OTOGL: variants seen among roughly 807,000 people sequenced by gnomAD.
The protein encoded by OTOGL is otogelin-like protein.
In OTOGL, 285 loss-of-function variants were observed where a neutral mutation model predicts 318.5. That is an observed-to-expected ratio of 0.89 (90% CI 0.81 to 0.99). The LOEUF (loss-of-function observed/expected upper bound fraction) is 0.99, where lower values mean the gene tolerates loss of function less well. OTOGL is among the 50% of genes least tolerant of loss of function. The pLI, the probability that OTOGL is intolerant of heterozygous loss-of-function variation, is 0.00. For missense variants in OTOGL, 2,899 were observed against 2,845.6 expected (o/e 1.02, Z -0.43); for synonymous variants, 987 against 936.5 (o/e 1.05, Z -0.99).
chr12:80,229,886 G>T (rs1323164057), intron 8 of OTOGL, among the ~76,000 whole-genome samples: 1 of 152,090 alleles, frequency 6.6e-6, no homozygotes, highest in Non-Finnish European at 1.5e-5. Flanking sequence ...GCCAACAACT[G>T]CCTGGCCTCG....
intron 38 of OTOGL, among the ~76,000 whole-genome samples, chr12:80,334,758 A>C (rs895581308): frequency 2.6e-5 from 4 of 152,242 alleles, no homozygotes; most frequent in Non-Finnish European, 5.9e-5. Context: ...TGGATTTAGC[A>C]ATGTGAGTTG....
At chr12:80,328,815 G>T in intron 36 of OTOGL, 71 bp downstream of exon 36, 4 of 1,381,368 alleles carry the variant, frequency 2.9e-6, no homozygotes, top group East Asian at 2.4e-5. Flanking sequence ...GAGGCAAGTG[G>T]TTGTAAACAG....
intron 1 of OTOGL, chr12:80,131,668 C>A (rs1326594363): frequency 2.0e-5 from 3 of 152,102 alleles, no homozygotes; most frequent in Non-Finnish European, 4.4e-5. Context: ...ATAATAACAA[C>A]AAATGGCATT....
chr12:80,143,447 A>G (rs1872086352), intron 1 of OTOGL, among the ~76,000 whole-genome samples: 1 of 152,092 alleles, frequency 6.6e-6, no homozygotes, highest in Non-Finnish European at 1.5e-5. Context: ...CCCTGGTGAT[A>G]GACACACCTT....
At chr12:80,160,209 C>T (rs553096045) in intron 1 of OTOGL, among the ~76,000 whole-genome samples, 1 of 151,886 alleles carries the variant, frequency 6.6e-6, no homozygotes, top group Non-Finnish European at 1.5e-5. Flanking sequence ...TGACCAAGAA[C>T]CCAAAGCAAA....
chr12:80,279,228 A>T (rs2137623929), intron 26 of OTOGL, 62 bp downstream of exon 26: 1 of 1,434,260 alleles, frequency 7.0e-7, no homozygotes, highest in Non-Finnish European at 9.4e-7. Context: ...AAAAACAAGT[A>T]TGCTGGTCCC....
At chr12:80,149,636 C>G (rs1230999219) in intron 1 of OTOGL, among the ~76,000 whole-genome samples, 1 of 152,178 alleles carries the variant, frequency 6.6e-6, no homozygotes, top group African/African-American at 2.4e-5. Flanking sequence ...CCTAAGCAAG[C>G]CTGGGCAATG....
intron 27 of OTOGL, among the ~76,000 whole-genome samples, chr12:80,297,665 A>G (rs907769022): frequency 2.0e-5 from 3 of 152,000 alleles, no homozygotes; most frequent in Non-Finnish European, 4.4e-5. Context: ...GAAATCTAAT[A>G]TGTCACTCTG....
intron 1 of OTOGL, among the ~76,000 whole-genome samples, chr12:80,177,083 G>A (rs953584018): frequency 4.6e-5 from 7 of 151,906 alleles, no homozygotes; most frequent in African/African-American, 1.7e-4. Context: ...ATAGATCAAA[G>A]GCCTTTTTCA....
chr12:80,277,407 TAAC>T (rs1465044514), intron 24 of OTOGL, among the ~76,000 whole-genome samples: 1 of 147,594 alleles, frequency 6.8e-6, no homozygotes, highest in East Asian at 2.0e-4. Context: ...AATATTTAGA[TAAC>T]ACACCAAAAT....
intron 52 of OTOGL, among the ~76,000 whole-genome samples, chr12:80,362,715 T>C (rs1023609790): frequency 2.0e-5 from 3 of 152,140 alleles, no homozygotes; most frequent in African/African-American, 4.8e-5. Flanking sequence ...TTTCCAGAGA[T>C]GGCAACCATC....
At chr12:80,208,793 C>G (rs1199299263) in intron 1 of OTOGL, among the ~76,000 whole-genome samples, 1 of 151,974 alleles carries the variant, frequency 6.6e-6, no homozygotes. Flanking sequence ...TTAAAAATTG[C>G]TACTTTTGTT....
rs1237822536 is a variant in OTOGL, at chr12:80,342,080, C to G, written c.5183C>G (p.Pro1728Arg). ...EKSFEVTMRR[P>R]VRNCTEHDCS... Reference sequence around the variant, plus strand: ...TCATTTGAAGTAACAATGAGAAGACCTGTTAGGAATTGTACTGAGCATGAT... The same window carrying G: ...TCATTTGAAGTAACAATGAGAAGACGTGTTAGGAATTGTACTGAGCATGAT... The change falls in exon 44 of 59, where the codon CCT becomes CGT. Residue 1728 changes from proline (P) to arginine (R), a missense_variant. Around this residue, in one of 3 missense-constraint regions of OTOGL, gnomAD observed 2,607 missense variants for 2,524.9 expected, o/e 1.03. Transcript: ENST00000547103. The G allele has an allele frequency of 1.2e-6, 2 of 1,607,008 alleles. No homozygotes were observed. Among genetic ancestry groups the G allele is most frequent in the Non-Finnish European group, 8.5e-7 (1 of 1,176,124 alleles).
At chr12:80,142,307 G>A (rs988998665) in intron 1 of OTOGL, among the ~76,000 whole-genome samples, 2 of 152,082 alleles carry the variant, frequency 1.3e-5, no homozygotes, top group Admixed American at 6.6e-5. Context: ...CAGTGGCCAC[G>A]TGTCTAGCGG....
At chr12:80,208,902 C>T (rs1258201983) in intron 1 of OTOGL, among the ~76,000 whole-genome samples, 1 of 152,008 alleles carries the variant, frequency 6.6e-6, no homozygotes, top group Non-Finnish European at 1.5e-5. Context: ...TTTTAGTGTA[C>T]TTTTTAATTC....
chr12:80,160,004 C>A (rs746632479), intron 1 of OTOGL, among the ~76,000 whole-genome samples: 6 of 151,992 alleles, frequency 3.9e-5, no homozygotes, highest in Non-Finnish European at 7.4e-5. Flanking sequence ...GGAAAGGACA[C>A]CCTATTCAAC....
At chr12:80,127,923 T>C (rs1870962977) in intron 1 of OTOGL, among the ~76,000 whole-genome samples, 1 of 152,206 alleles carries the variant, frequency 6.6e-6, no homozygotes, top group Non-Finnish European at 1.5e-5. Context: ...GCATTGGTTA[T>C]TCTAGTTAGC....
intron 26 of OTOGL, among the ~76,000 whole-genome samples, chr12:80,295,153 C>T (rs913640869): frequency 6.0e-5 from 6 of 100,734 alleles, no homozygotes; most frequent in South Asian, 3.1e-4. Flanking sequence ...GTATGATTGC[C>T]GAACTTTTTT....
intron 5 of OTOGL, among the ~76,000 whole-genome samples, chr12:80,218,502 C>T (rs1292559995): frequency 3.3e-5 from 5 of 152,146 alleles, no homozygotes; most frequent in Non-Finnish European, 5.9e-5. Context: ...CTGTGGTTCT[C>T]CTCATGTGTT....
Sources: allele counts gnomAD v4.1 joint callset (sites outside exome capture counted in the v4.1 genomes callset), GRCh38; gene constraint gnomAD v4.1.1; regional missense constraint gnomAD v4.1.1; transcripts MANE v1.5; gene names NCBI Gene and HGNC (gene_info 2026-07-23, HGNC 2026-07-21).